Variants in PPP4C observed in about 807,000 individuals in gnomAD.
The protein encoded by PPP4C is protein phosphatase 4 catalytic subunit, also known as serine/threonine-protein phosphatase 4 catalytic subunit.
PPP4C carries 10 observed loss-of-function variants against 40.5 expected under a neutral mutation model. The observed-to-expected ratio is 0.25, with a 90% CI of 0.15 to 0.42. The LOEUF (loss-of-function observed/expected upper bound fraction) is 0.42. Ranked by LOEUF, PPP4C falls within the 10% of genes least tolerant of loss-of-function variation. The probability of loss-of-function intolerance (pLI) is 1.00; values close to 1 mark genes in which losing one functional copy is unlikely to be tolerated. For missense variants in PPP4C, 191 were observed against 416.4 expected, an observed-to-expected ratio of 0.46 and a Z score of 4.71; for synonymous variants, 187 against 163.6, an observed-to-expected ratio of 1.14 and a Z score of -1.09.
chr16:30,076,337 G>C lies in PPP4C; in HGVS notation c.-41G>C, dbSNP rs776140895. The C allele has an allele frequency of 6.3e-7, 1 of 1,599,324 alleles. No homozygotes were observed. On this transcript the variant is annotated 5_prime_UTR_variant, in exon 2 of 9. Transcript: ENST00000279387. ...CAGGAGACCCCTGTGCGGTGCGGAG[G>C]GGGCGGCGGCCCCGACTCTGACCCG...
Position 30,083,887 on chromosome 16 carries a change from C to A in PPP4C, c.604+106C>A. The A allele has an allele frequency of 7.3e-6, 11 of 1,509,018 alleles. No homozygotes were observed. The highest frequency in any genetic ancestry group is 9.9e-6 in the Non-Finnish European group (11 of 1,110,766). The allele number at this position is 1,509,018 out of a possible 1,614,324, so 93.5% of individuals were successfully genotyped here. ...CACTCGTCCTCCACCTGCCAAATGG[C>A]TGGAACCCTGGAGGAGGAGCAGGGA... On this transcript the variant is annotated intron_variant, in intron 7 of 8. Transcript: ENST00000279387. The surrounding 1 kb of genome is among the most constrained non-coding windows in gnomAD (Gnocchi z 6.3).
chr16:30,077,194 T>C (rs1181712221), intron 2 of PPP4C, among the ~76,000 whole-genome samples: 2 of 152,220 alleles, frequency 1.3e-5, no homozygotes, highest in African/African-American at 4.8e-5. Flanking sequence ...TAGGTTTGAA[T>C]CTGAACTCTG....
intron 7 of PPP4C, among the ~76,000 whole-genome samples, chr16:30,084,286 C>G (rs1038121635): frequency 6.6e-6 from 1 of 152,150 alleles, no homozygotes; most frequent in South Asian, 2.1e-4. Flanking sequence ...CACACACATA[C>G]AGACACACAC....
At chr16:30,077,545 A>G (rs2072424857) in intron 2 of PPP4C, among the ~76,000 whole-genome samples, 1 of 152,156 alleles carries the variant, frequency 6.6e-6, no homozygotes, top group Admixed American at 6.6e-5. Context: ...TGCGTGGGGA[A>G]CAGTCAGGGG....
In PPP4C at chr16:30,083,181, G is replaced by C; in HGVS notation, c.304-213G>C. On this transcript the variant is annotated intron_variant, in intron 5 of 8. Transcript: ENST00000279387. The surrounding 1 kb of genome is among the most constrained non-coding windows in gnomAD (Gnocchi z 6.3). The stretch of plus-strand genomic sequence containing the variant: ...TGGTAGGTGAAAGAAGAGCCATTAG[G>C]TTCATAGTTGAGGGAATGGGTCAGC... The C allele has an allele frequency of 1.6e-6, 1 of 631,024 alleles. No individual in the cohort carries two copies. Among genetic ancestry groups the C allele is most frequent in the South Asian group, 1.9e-5 (1 of 51,894 alleles). The allele number at this position is 631,024 out of a possible 1,614,324, so 39.1% of individuals were successfully genotyped here.
In PPP4C at chr16:30,076,044, T is replaced by C; in HGVS notation, c.-114T>C. The stretch of plus-strand genomic sequence containing the variant: ...GCGGCGGCGGCGGTCGAAAGCGGAG[T>C]GAAAGAGGGAGGCAGGGAGCCGGAG... On this transcript the variant is annotated 5_prime_UTR_variant, in exon 1 of 9. Transcript: ENST00000279387. 5.8e-6 allele frequency: 2 copies of C among 343,528 alleles called. No individual in the cohort carries two copies. The highest frequency in any genetic ancestry group is 1.1e-5 in the Non-Finnish European group (2 of 188,978). 21.3% of individuals were successfully genotyped at this position (343,528 alleles called of 1,614,324 possible).
chr16:30,082,886 C>T (rs1426354258), intron 5 of PPP4C, 39 bp downstream of exon 5: 1 of 1,566,392 alleles, frequency 6.4e-7, no homozygotes, highest in South Asian at 1.1e-5. Context: ...ACCTGGGCGA[C>T]CTCGGGCCGG....
chr16:30,076,906 G>C (rs1034553367), intron 2 of PPP4C, among the ~76,000 whole-genome samples: 1 of 152,198 alleles, frequency 6.6e-6, no homozygotes, highest in African/African-American at 2.4e-5. Context: ...TTAAAGATTG[G>C]TGGTATTGTA....
In PPP4C at chr16:30,085,206, C is replaced by T. The variant is rs866983698; in HGVS notation, c.*144C>T. 13 of 1,007,036 alleles carry T rather than the reference C, an allele frequency of 1.3e-5. No individual in the cohort carries two copies. The Middle Eastern group carries it at 2.0e-3, about 151-fold the overall frequency. 62.4% of individuals were successfully genotyped at this position (1,007,036 alleles called of 1,614,324 possible). On this transcript the variant is annotated 3_prime_UTR_variant, in exon 9 of 9. Transcript: ENST00000279387. ...GAGGGTGCTTCGAGGGTGAGGACTTCTCTGGAGAGGCCTGGAGACCTAGCT... is the reference window on the plus strand; with the variant it reads ...GAGGGTGCTTCGAGGGTGAGGACTTTTCTGGAGAGGCCTGGAGACCTAGCT...
Position 30,082,911 on chromosome 16 carries a change from G to A in PPP4C, c.303+64G>A, listed in dbSNP as rs140581530. Reference sequence around the variant, plus strand: ...CCTCGGGCCGGGCCTGTCTTAGTCCGTTCCGCCCTCATCTCCTATCGTGAC... The same window carrying A: ...CCTCGGGCCGGGCCTGTCTTAGTCCATTCCGCCCTCATCTCCTATCGTGAC... On this transcript the variant is annotated intron_variant, in intron 5 of 8. Transcript: ENST00000279387. 5.9e-4 allele frequency: 813 copies of A among 1,386,780 alleles called. 2 individuals are homozygous for A. Among genetic ancestry groups the A allele is most frequent in the African/African-American group, 3.4e-3 (235 of 69,982 alleles). 85.9% of individuals were successfully genotyped at this position (1,386,780 alleles called of 1,614,324 possible).
rs963876529 is a variant in PPP4C at position 30,083,061 on chromosome 16, G to A, written c.303+214G>A. The A allele has an allele frequency of 4.2e-5, 25 of 594,490 alleles. No homozygotes were observed. The highest frequency in any genetic ancestry group is 1.1e-4 in the East Asian group (4 of 35,298). The allele number at this position is 594,490 out of a possible 1,614,324, so 36.8% of individuals were successfully genotyped here. On this transcript the variant is annotated intron_variant, in intron 5 of 8. Transcript: ENST00000279387. This position sits in a 1 kb window ranked among gnomAD's most constrained non-coding sequence, Gnocchi z 6.3. ...GGGAGGGGCAGAGGCTCACTGTTGC[G>A]AATGTGGCAGGTCATTGATGCCACT... is the stretch of plus-strand genomic sequence containing the variant.
rs1198321110 is a variant in PPP4C at position 30,076,753 on chromosome 16, A to G, written c.98+278A>G. On this transcript the variant is annotated intron_variant, in intron 2 of 8. Transcript: ENST00000279387. ...AGGAAACAAGTCCATCTGTCGGGGG[A>G]CGGAAGCTTGTTGGAGGGGGGCCGA... Among the ~76,000 whole-genome samples, 3 of 152,188 alleles carry G rather than the reference A, an allele frequency of 2.0e-5. No individual in the cohort carries two copies. In the East Asian group the frequency reaches 5.8e-4, roughly 29 times the overall value.
rs1018380677 is a variant in PPP4C at position 30,083,896 on chromosome 16, T to C, written c.604+115T>C. 18 of 1,485,302 alleles carry C rather than the reference T, an allele frequency of 1.2e-5. No homozygotes were observed. The highest frequency in any genetic ancestry group is 1.9e-4 in the Middle Eastern group (1 of 5,302). The allele number at this position is 1,485,302 out of a possible 1,614,324, so 92.0% of individuals were successfully genotyped here. A position where few individuals can be genotyped will look rare whatever the true frequency, so the allele number is the denominator to read the frequency against. ...TCCACCTGCCAAATGGCTGGAACCC[T>C]GGAGGAGGAGCAGGGAGGCCTGCAT... On this transcript the variant is annotated intron_variant, in intron 7 of 8. Transcript: ENST00000279387. This position sits in a 1 kb window ranked among gnomAD's most constrained non-coding sequence, Gnocchi z 6.3.
At position 30,085,217 on chromosome 16, in the gene PPP4C, C is replaced by A; in HGVS notation, c.*155C>A. The A allele has an allele frequency of 1.2e-6, 1 of 808,610 alleles. No homozygotes were observed. Among genetic ancestry groups the A allele is most frequent in the Non-Finnish European group, 1.9e-6 (1 of 521,208 alleles). 50.1% of individuals were successfully genotyped at this position (808,610 alleles called of 1,614,324 possible). ...GAGGGTGAGGACTTCTCTGGAGAGG[C>A]CTGGAGACCTAGCTCCATGTTCCTC... On this transcript the variant is annotated 3_prime_UTR_variant, in exon 9 of 9. Transcript: ENST00000279387.
Position 30,076,010 on chromosome 16 carries a change from G to C in PPP4C, c.-148G>C. 2.8e-6 allele frequency: 1 copy of C among 358,188 alleles called. No individual in the cohort carries two copies. Among genetic ancestry groups the C allele is most frequent in the Non-Finnish European group, 5.1e-6 (1 of 196,798 alleles). 22.2% of individuals were successfully genotyped at this position (358,188 alleles called of 1,614,324 possible). Reference sequence around the variant, plus strand: ...CGCGGCGGGGCCGGAAGTAGGAGCGGCGGCGGCGGCGGCGGCGGCGGTCGA... The same window carrying C: ...CGCGGCGGGGCCGGAAGTAGGAGCGCCGGCGGCGGCGGCGGCGGCGGTCGA... On this transcript the variant is annotated 5_prime_UTR_variant, in exon 1 of 9. Transcript: ENST00000279387.
At chr16:30,076,810 TAA>T (rs1292853043) in intron 2 of PPP4C, among the ~76,000 whole-genome samples, 3 of 152,154 alleles carry the variant, frequency 2.0e-5, no homozygotes, top group South Asian at 2.1e-4. Flanking sequence ...AAGGAGGTGG[TAA>T]AAGAGTCAGC....
At chr16:30,084,238 CCA>C (rs146528163) in intron 7 of PPP4C, among the ~76,000 whole-genome samples, 7 of 149,268 alleles carry the variant, frequency 4.7e-5, no homozygotes, top group Admixed American at 2.1e-4. Context: ...TCCATCACAG[CCA>C]CACACACGCA....
chr16:30,081,060 C>T (rs1189827326), intron 2 of PPP4C, 199 bp from the exon 3 acceptor site: 1 of 656,290 alleles, frequency 1.5e-6, no homozygotes, highest in African/African-American at 1.8e-5. Flanking sequence ...TGGACTTTGT[C>T]CTTTTGGCAG....
intron 5 of PPP4C, 49 bp downstream of exon 5, chr16:30,082,896 G>A (rs2072538695): frequency 6.6e-7 from 1 of 1,524,156 alleles, no homozygotes. Context: ...CCTCGGGCCG[G>A]GCCTGTCTTA....
Sources: allele counts gnomAD v4.1 joint callset (sites outside exome capture counted in the v4.1 genomes callset), GRCh38; gene constraint gnomAD v4.1.1; non-coding constraint Gnocchi (gnomAD v3.1); transcripts MANE v1.5; gene names NCBI Gene and HGNC (gene_info 2026-07-23, HGNC 2026-07-21).